GLO1: variants seen among roughly 807,000 people sequenced by gnomAD.
GLO1 encodes the protein glyoxalase I.
Under a neutral mutation model 26.0 loss-of-function variants are expected in GLO1, and 28 were observed. That is an observed-to-expected ratio of 1.08 (90% CI 0.80 to 1.48). GLO1 has a LOEUF of 1.48. Ranked by LOEUF, GLO1 falls within the 40% of genes most tolerant of loss-of-function variation. GLO1 has a pLI of 0.00. For missense variants in GLO1, 225 were observed against 224.8 expected (o/e 1.00, Z -0.01); for synonymous variants, 78 against 77.6 (o/e 1.00, Z -0.03).
rs907395385 is a variant in GLO1 at position 38,682,075 on chromosome 6, C to T, written c.403G>A (p.Val135Ile). ...FGHIGIAVPD[V>I]YSACKRFEEL... ...TCAAACCTTTTACAAGCACTGTATA[C>T]ATCAGGAACAGCAATTCCAATATGA... Residue 135 changes from valine (V) to isoleucine (I), a missense_variant, in exon 5 of 6, where the codon GTA (valine) becomes ATA (isoleucine). Physicochemically the swap from Val to Ile is conservative, Grantham distance 29. Transcript: ENST00000373365. 1.9e-6 allele frequency: 3 copies of T among 1,591,584 alleles called. No individual in the cohort carries two copies. The highest frequency in any genetic ancestry group is 1.7e-4 in the Middle Eastern group (1 of 6,032).
At chr6:38,689,985 C>T (rs1334467294) in intron 1 of GLO1, among the ~76,000 whole-genome samples, 5 of 151,874 alleles carry the variant, frequency 3.3e-5, no homozygotes, top group African/African-American at 7.3e-5. Context: ...CCACCCAGCC[C>T]GGCTAATTTT....
At chr6:38,697,288 A>G (rs1761626085) in intron 1 of GLO1, among the ~76,000 whole-genome samples, 1 of 152,242 alleles carries the variant, frequency 6.6e-6, no homozygotes, top group South Asian at 2.1e-4. Context: ...ACATGGTGCC[A>G]GTTTACTCAA....
intron 1 of GLO1, among the ~76,000 whole-genome samples, chr6:38,688,628 C>T (rs1244667772): frequency 2.0e-5 from 3 of 152,146 alleles, no homozygotes; most frequent in South Asian, 4.1e-4. Context: ...CTGTCAGGCC[C>T]GACCACACAC....
At chr6:38,685,548 C>T (rs1211063082) in intron 2 of GLO1, among the ~76,000 whole-genome samples, 1 of 152,172 alleles carries the variant, frequency 6.6e-6, no homozygotes, top group Admixed American at 6.5e-5. Context: ...AGTTCTGCTT[C>T]CAATCTTTTA....
rs554337343 is a variant in GLO1 at position 38,676,172 on chromosome 6, C to T, written c.*1123G>A. ...GAGCCATTAGAGATTTTCAAAATCACTTTGATTTTTAAAAACTCATCAAAT... is the reference window on the plus strand; with the variant it reads ...GAGCCATTAGAGATTTTCAAAATCATTTTGATTTTTAAAAACTCATCAAAT... On this transcript the variant is annotated 3_prime_UTR_variant, in exon 6 of 6. Coordinates refer to ENST00000373365, the MANE Select transcript of GLO1 (RefSeq NM_006708.3). The T allele has an allele frequency of 3.3e-5, 5 of 152,244 alleles. No individual in the cohort carries two copies. Among genetic ancestry groups the T allele is most frequent in the African/African-American group, 1.2e-4 (5 of 41,528 alleles). The allele number at this position is 152,244 out of a possible 1,614,324, so 9.4% of individuals were successfully genotyped here.
chr6:38,682,906 G>A (rs1761403868), intron 3 of GLO1, 31 bp from the exon 4 acceptor site: 3 of 1,228,816 alleles, frequency 2.4e-6, no homozygotes, highest in East Asian at 4.6e-5. Context: ...TAGCTACAAT[G>A]TCCTAGGGAA....
intron 1 of GLO1, among the ~76,000 whole-genome samples, chr6:38,687,349 G>A (rs925749337): frequency 2.0e-5 from 3 of 152,178 alleles, no homozygotes; most frequent in Non-Finnish European, 2.9e-5. Flanking sequence ...CCCTAACTCT[G>A]CAGAGCTCTC....
intron 4 of GLO1, 38 bp downstream of exon 4, chr6:38,682,770 C>CA (rs1761400481): frequency 8.9e-7 from 1 of 1,123,188 alleles, no homozygotes; most frequent in Admixed American, 1.7e-5. Context: ...CAAAATCACA[C>CA]AAATCTACAT....
Position 38,702,979 on chromosome 6 carries a change from T to C in GLO1, c.76A>G (p.Ser26Gly). 2 of 1,526,520 alleles carry C rather than the reference T, an allele frequency of 1.3e-6. No individual in the cohort carries two copies. Among genetic ancestry groups the C allele is most frequent in the Non-Finnish European group, 1.8e-6 (2 of 1,115,830 alleles). 94.6% of individuals were successfully genotyped at this position (1,526,520 alleles called of 1,614,324 possible). Residue 26 changes from serine (S) to glycine (G), a missense_variant, in exon 1 of 6, where the codon AGT (serine) becomes GGT (glycine). Physicochemically the swap from Ser to Gly is moderately conservative, Grantham distance 56. Coordinates refer to ENST00000373365, the MANE Select transcript of GLO1 (RefSeq NM_006708.3). The part of the protein sequence containing the change: ...ALSCCSDADP[S>G]TKDFLLQQTM... ...TTCGGTCCTGTGCCCACCTTGGTAC[T>C]GGGGTCCGCGTCGGAGCAGCAACTG...
chr6:38,694,699 T>G (rs920448125), intron 1 of GLO1, among the ~76,000 whole-genome samples: 1 of 151,954 alleles, frequency 6.6e-6, no homozygotes, highest in African/African-American at 2.4e-5. Flanking sequence ...AAGAGCAGTG[T>G]TGAGGTCTCC....
intron 2 of GLO1, among the ~76,000 whole-genome samples, chr6:38,686,091 A>G (rs1017192026): frequency 3.9e-5 from 6 of 152,224 alleles, no homozygotes; most frequent in Non-Finnish European, 7.3e-5. Flanking sequence ...TATTCATAAT[A>G]CCTTTTTCTA....
At chr6:38,699,305 T>C (rs1057434002) in intron 1 of GLO1, among the ~76,000 whole-genome samples, 44 of 152,254 alleles carry the variant, frequency 2.9e-4, no homozygotes, top group African/African-American at 1.1e-3. Context: ...CTCTTAATCC[T>C]GTTATCTTCG....
At chr6:38,680,996 G>A (rs1479552153) in intron 5 of GLO1, among the ~76,000 whole-genome samples, 1 of 152,096 alleles carries the variant, frequency 6.6e-6, no homozygotes, top group Non-Finnish European at 1.5e-5. Flanking sequence ...CCCACTCTAG[G>A]TAATAGTGAC....
intron 3 of GLO1, among the ~76,000 whole-genome samples, 176 bp downstream of exon 3, chr6:38,684,198 A>G (rs190298767): frequency 1.3e-5 from 2 of 152,346 alleles, no homozygotes; most frequent in African/African-American, 4.8e-5. Flanking sequence ...TCATTTGCCC[A>G]AGAACAATAC....
At chr6:38,697,850 C>G (rs541222241) in intron 1 of GLO1, among the ~76,000 whole-genome samples, 4 of 152,204 alleles carry the variant, frequency 2.6e-5, no homozygotes, top group Non-Finnish European at 5.9e-5. Flanking sequence ...CTCACTACTT[C>G]CTGCCTAGAC....
At chr6:38,701,264 G>A (rs977775385) in intron 1 of GLO1, among the ~76,000 whole-genome samples, 22 of 152,274 alleles carry the variant, frequency 1.4e-4, no homozygotes, top group Admixed American at 9.2e-4. Context: ...CTTCTTCATA[G>A]GGTTGTTGTT....
At chr6:38,695,035 T>A (rs1761589067) in intron 1 of GLO1, among the ~76,000 whole-genome samples, 2 of 152,184 alleles carry the variant, frequency 1.3e-5, no homozygotes, top group African/African-American at 4.8e-5. Flanking sequence ...CTGGGGCATG[T>A]TTTTTAATCC....
At chr6:38,681,559 A>G (rs958899216) in intron 5 of GLO1, among the ~76,000 whole-genome samples, 6 of 152,178 alleles carry the variant, frequency 3.9e-5, no homozygotes, top group Admixed American at 2.0e-4. Context: ...CAAAAAACCT[A>G]CCTAAAACTT....
chr6:38,682,054 AC>A lies in GLO1; in HGVS notation c.423del (p.Arg141SerfsTer10). 1 of 1,598,164 alleles carries A rather than the reference AC, an allele frequency of 6.3e-7. No individual in the cohort carries two copies. Among genetic ancestry groups the A allele is most frequent in the South Asian group, 1.1e-5 (1 of 90,744 alleles). Reference protein sequence around the residue: ...AVPDVYSACKRFEELGVKFVK... With the variant: ...AVPDVYSACKXFEELGVKFVK... The stretch of plus-strand genomic sequence containing the variant: ...ACAAATTTGACTCCCAGTTCTTCAA[AC>A]CTTTTACAAGCACTGTATACATCAG... On this transcript the variant is annotated frameshift_variant, in exon 5 of 6. Transcript: ENST00000373365. LOFTEE classifies it high-confidence loss of function.
Sources: gnomAD v4.1 joint callset for allele counts (sites outside exome capture counted in the v4.1 genomes callset) on GRCh38, gnomAD v4.1.1 for gene constraint, MANE v1.5 for transcripts, NCBI Gene and HGNC (gene_info 2026-07-23, HGNC 2026-07-21) for gene names.